KCNT1: variants seen among roughly 807,000 people sequenced by gnomAD.
The protein encoded by KCNT1 is potassium sodium-activated channel subfamily T member 1.
A neutral mutation model predicts 147.8 loss-of-function variants in KCNT1; 78 were observed. The ratio of observed to expected loss-of-function variants is 0.53; its 90% CI spans 0.44 to 0.64. KCNT1 has a LOEUF of 0.64. Ranked by LOEUF, KCNT1 falls within the 30% of genes least tolerant of loss-of-function variation. KCNT1 has a pLI of 0.00. For missense variants in KCNT1, 1,419 were observed against 1,750.3 expected, an observed-to-expected ratio of 0.81 and a Z score of 3.38; for synonymous variants, 867 against 748.8, an observed-to-expected ratio of 1.16 and a Z score of -2.58.
At position 135,765,569 on chromosome 9, in the gene KCNT1, G is replaced by A. The variant is rs536156799; in HGVS notation, c.1201-55G>A. 155 of 1,565,708 alleles carry A rather than the reference G, an allele frequency of 9.9e-5. No individual in the cohort carries two copies. In the Admixed American group the frequency reaches 1.4e-3, roughly 14 times the overall value. On this transcript the variant is annotated intron_variant, in intron 12 of 30. Transcript: ENST00000371757. Reference sequence around the variant, plus strand: ...CAAACACAGTCCTGAAGGCAGGGCCGCCCGGGCGGGGCAGGGGCTGGCTCA... The same window carrying A: ...CAAACACAGTCCTGAAGGCAGGGCCACCCGGGCGGGGCAGGGGCTGGCTCA...
chr9:135,751,547 C>A (rs1003165363), intron 4 of KCNT1, among the ~76,000 whole-genome samples: 1 of 152,164 alleles, frequency 6.6e-6, no homozygotes, highest in Non-Finnish European at 1.5e-5. Flanking sequence ...CAATCTGCAC[C>A]GTCAGGTCCT....
chr9:135,740,457 A>G (rs1240078231), intron 2 of KCNT1, among the ~76,000 whole-genome samples: 1 of 152,154 alleles, frequency 6.6e-6, no homozygotes, highest in African/African-American at 2.4e-5. Flanking sequence ...GCTCCTAGAG[A>G]GCCCAGAGGG....
intron 2 of KCNT1, chr9:135,742,935 CG>C: frequency 1.5e-6 from 1 of 669,076 alleles, no homozygotes; most frequent in Non-Finnish European, 2.7e-6. Flanking sequence ...CCAGGGCCAC[CG>C]GCACCTCCCA....
intron 2 of KCNT1, among the ~76,000 whole-genome samples, chr9:135,720,992 G>A (rs900126451): frequency 1.3e-5 from 2 of 152,248 alleles, no homozygotes; most frequent in South Asian, 2.1e-4. Context: ...GGTGGGGCAC[G>A]AGGGACACAC....
intron 2 of KCNT1, among the ~76,000 whole-genome samples, chr9:135,746,436 GCGA>G (rs1830837516): frequency 6.6e-6 from 1 of 152,228 alleles, no homozygotes; most frequent in African/African-American, 2.4e-5. Flanking sequence ...TGCTGGGGGC[GCGA>G]CTAGTCCCAG....
Position 135,762,737 on chromosome 9 carries a change from G to A in KCNT1, c.1036-2294G>A, listed in dbSNP as rs192541007. On this transcript the variant is annotated intron_variant, in intron 11 of 30. Transcript: ENST00000371757. Reference sequence around the variant, plus strand: ...TGCACTCCAGCCTGGGTGACAGAGCGAGATGCCATCTCAACACCATCTTAA... The same window carrying A: ...TGCACTCCAGCCTGGGTGACAGAGCAAGATGCCATCTCAACACCATCTTAA... 3.3e-4 allele frequency among the ~76,000 whole-genome samples: 50 copies of A among 152,276 alleles called. 1 individual carries two copies. Among genetic ancestry groups the A allele is most frequent in the African/African-American group, 8.2e-4 (34 of 41,564 alleles).
At chr9:135,757,040 C>G in intron 7 of KCNT1, 108 bp downstream of exon 7, 1 of 972,812 alleles carries the variant, frequency 1.0e-6, no homozygotes, top group Non-Finnish European at 1.5e-6. Flanking sequence ...ACTTCCCAGC[C>G]TCATCCACTG....
At position 135,752,131 on chromosome 9, in the gene KCNT1, G is replaced by A. The variant is rs1219640927; in HGVS notation, c.434+1090G>A. 1 of 337,220 alleles carries A rather than the reference G, an allele frequency of 3.0e-6. No individual in the cohort carries two copies. Among genetic ancestry groups the A allele is most frequent in the African/African-American group, 2.2e-5 (1 of 46,306 alleles). The allele number at this position is 337,220 out of a possible 1,614,324, so 20.9% of individuals were successfully genotyped here. On this transcript the variant is annotated intron_variant, in intron 4 of 30. Coordinates refer to ENST00000371757, the MANE Select transcript of KCNT1 (RefSeq NM_020822.3). This position sits in a 1 kb window ranked among gnomAD's most constrained non-coding sequence, Gnocchi z 5.1. ...GCTCTGCAGCCACGTGTGTGGTGTG[G>A]TTGTCACCATCCAGCCATCGGGGTG...
chr9:135,791,658 G>A, intron 29 of KCNT1, 139 bp from the exon 30 acceptor site: 1 of 737,672 alleles, frequency 1.4e-6, no homozygotes, highest in African/African-American at 1.7e-5. Context: ...GGGCTCACCA[G>A]GATGAGGTGC....
intron 29 of KCNT1, among the ~76,000 whole-genome samples, chr9:135,787,910 G>A (rs560113015): frequency 2.6e-5 from 4 of 152,288 alleles, no homozygotes; most frequent in South Asian, 2.1e-4. Flanking sequence ...CTGCCTCTGC[G>A]ACCGCTGCCT....
chr9:135,767,541 G>T (rs1016419043), intron 13 of KCNT1, among the ~76,000 whole-genome samples: 7 of 152,098 alleles, frequency 4.6e-5, no homozygotes, highest in Non-Finnish European at 1.0e-4. Flanking sequence ...AGCGGACAGG[G>T]TCTCTGCCCC....
chr9:135,788,629 TGAA>T (rs1406195248), intron 29 of KCNT1, among the ~76,000 whole-genome samples: 2 of 152,108 alleles, frequency 1.3e-5, no homozygotes, highest in African/African-American at 4.8e-5. Context: ...AGGAGCTCGG[TGAA>T]GCCTGGGCTG....
chr9:135,768,548 A>ACC, intron 13 of KCNT1, 62 bp from the exon 14 acceptor site: 1 of 1,387,736 alleles, frequency 7.2e-7, no homozygotes, highest in East Asian at 2.5e-5. Context: ...TCACCTCCGC[A>ACC]CCCCCGGCTG....
chr9:135,729,956 G>A (rs1346225186), intron 2 of KCNT1, among the ~76,000 whole-genome samples: 1 of 152,144 alleles, frequency 6.6e-6, no homozygotes, highest in Non-Finnish European at 1.5e-5. Flanking sequence ...TTCCCTCTGT[G>A]GCTCTTGGCC....
At chr9:135,772,426 C>A (rs1301410615) in intron 18 of KCNT1, among the ~76,000 whole-genome samples, 2 of 152,312 alleles carry the variant, frequency 1.3e-5, no homozygotes, top group African/African-American at 2.4e-5. Flanking sequence ...AATCAGCCAA[C>A]CCCCTCCTCA....
rs757371759 is a variant in KCNT1, at chr9:135,756,882, G to T, written c.550G>T (p.Ala184Ser). Residue 184 changes from alanine (A) to serine (S), a missense_variant, in exon 7 of 31, where the codon GCC becomes TCC. Transcript: ENST00000371757. ...MTLWAIQVIV[A>S]IISFLETMLL... ...CTTTCCTGACTCCCAGGTCATCGTG[G>T]CCATAATAAGCTTCCTGGAGACGAT... 5.0e-6 allele frequency: 8 copies of T among 1,613,274 alleles called. No individual in the cohort carries two copies. Among genetic ancestry groups the T allele is most frequent in the Non-Finnish European group, 6.8e-6 (8 of 1,179,902 alleles).
At chr9:135,747,178 G>T (rs565954483) in intron 2 of KCNT1, among the ~76,000 whole-genome samples, 1 of 152,114 alleles carries the variant, frequency 6.6e-6, no homozygotes, top group Non-Finnish European at 1.5e-5. Context: ...CGGGGAGGCC[G>T]TGCTGAGAGG....
At chr9:135,753,563 G>T (rs115246291) in intron 4 of KCNT1, among the ~76,000 whole-genome samples, 1 of 152,276 alleles carries the variant, frequency 6.6e-6, no homozygotes, top group African/African-American at 2.4e-5. Context: ...GTTCCCACAT[G>T]CTCTCTCTGG....
At position 135,793,032 on chromosome 9, in the gene KCNT1, CG is replaced by C. The variant is rs1216020921; in HGVS notation, c.*873del. 6.6e-6 allele frequency: 1 copy of C among 152,218 alleles called. No individual in the cohort carries two copies. Among genetic ancestry groups the C allele is most frequent in the Non-Finnish European group, 1.5e-5 (1 of 68,052 alleles). The allele number at this position is 152,218 out of a possible 1,614,324, so 9.4% of individuals were successfully genotyped here. A position where few individuals can be genotyped will look rare whatever the true frequency, so the allele number is the denominator to read the frequency against. ...CTTCTCAGCAAGGCGAGATCCCGGG[CG>C]GCGGCTGACATCAGGAGCGCCACCC... On this transcript the variant is annotated 3_prime_UTR_variant, in exon 31 of 31. Coordinates refer to ENST00000371757, the MANE Select transcript of KCNT1 (RefSeq NM_020822.3).
Sources: gnomAD v4.1 joint callset for allele counts (sites outside exome capture counted in the v4.1 genomes callset) on GRCh38, gnomAD v4.1.1 for gene constraint, Gnocchi (gnomAD v3.1) non-coding constraint, MANE v1.5 for transcripts, NCBI Gene and HGNC (gene_info 2026-07-23, HGNC 2026-07-21) for gene names.